ZNHIT6: variants seen among roughly 807,000 people sequenced by gnomAD.
ZNHIT6 encodes the protein zinc finger HIT-type containing 6, also known as box C/D snoRNA protein 1.
Under a neutral mutation model 57.2 loss-of-function variants are expected in ZNHIT6, and 45 were observed. That is an observed-to-expected ratio of 0.79 (90% CI 0.62 to 1.01). The LOEUF (loss-of-function observed/expected upper bound fraction) is 1.01. Among genes scored for constraint, ZNHIT6 ranks in the 50% least tolerant of loss-of-function variants. The pLI is 0.00. For synonymous variants in ZNHIT6, 188 were observed against 190.0 expected (o/e 0.99, Z 0.09); for missense variants, 528 against 567.3 (o/e 0.93, Z 0.70).
chr1:85,687,278 TCTC>T (rs1183634732), intron 5 of ZNHIT6, among the ~76,000 whole-genome samples: 1 of 10,092 alleles, frequency 9.9e-5, no homozygotes, highest in Non-Finnish European at 3.8e-4. Context: ...GAGAAGACTA[TCTC>T]AAAAAACAAA....
intron 8 of ZNHIT6, among the ~76,000 whole-genome samples, chr1:85,673,050 G>A (rs1481168524): frequency 6.6e-6 from 1 of 152,106 alleles, no homozygotes; most frequent in Non-Finnish European, 1.5e-5. Context: ...AGCAACATAG[G>A]CTTTTCTAGT....
intron 8 of ZNHIT6, among the ~76,000 whole-genome samples, chr1:85,670,763 A>G (rs1025473257): frequency 6.6e-6 from 1 of 152,194 alleles, no homozygotes; most frequent in African/African-American, 2.4e-5. Context: ...AAAGGAATGG[A>G]GAAGAAAGGA....
chr1:85,654,922 C>T (rs1661019843), intron 9 of ZNHIT6, among the ~76,000 whole-genome samples: 1 of 152,172 alleles, frequency 6.6e-6, no homozygotes, highest in African/African-American at 2.4e-5. Context: ...AGAGCAAATG[C>T]TCAAGGGACC....
chr1:85,668,220 TA>T (rs76292438), intron 8 of ZNHIT6, among the ~76,000 whole-genome samples: 2,215 of 151,882 alleles, frequency 0.015, 39 homozygotes, highest in East Asian at 0.046. Context: ...ATCACAAATA[TA>T]TTACAAACAA....
intron 8 of ZNHIT6, among the ~76,000 whole-genome samples, chr1:85,670,452 T>C (rs1476523231): frequency 2.0e-5 from 3 of 152,080 alleles, no homozygotes; most frequent in African/African-American, 7.2e-5. Context: ...TACACACATA[T>C]ATATATTTTA....
At position 85,678,296 on chromosome 1, in the gene ZNHIT6, C is replaced by T. The variant is rs1661763824; in HGVS notation, c.1169+405G>A. ...TTCATTTTCAGAGTTTTTCGTTCAACCTCAAAGGTAGTTTAGTTTAAGGGT... is the reference window on the plus strand; with the variant it reads ...TTCATTTTCAGAGTTTTTCGTTCAATCTCAAAGGTAGTTTAGTTTAAGGGT... On this transcript the variant is annotated intron_variant, in intron 7 of 9. Coordinates refer to ENST00000370574, the MANE Select transcript of ZNHIT6 (RefSeq NM_017953.4). Among the ~76,000 whole-genome samples, 3 of 152,234 alleles carry T rather than the reference C, an allele frequency of 2.0e-5. No homozygotes were observed. The South Asian group carries it at 6.2e-4, about 32-fold the overall frequency.
intron 8 of ZNHIT6, among the ~76,000 whole-genome samples, chr1:85,658,246 T>C (rs1417244698): frequency 6.6e-6 from 1 of 152,150 alleles, no homozygotes; most frequent in Non-Finnish European, 1.5e-5. Flanking sequence ...TTTCTTTTTT[T>C]GATATGGAGT....
rs1661130861 is a variant in ZNHIT6 at position 85,658,563 on chromosome 1, TAAAG to T, written c.1248-596_1248-593del. 2.0e-5 allele frequency among the ~76,000 whole-genome samples: 3 copies of T among 151,946 alleles called. No individual in the cohort carries two copies. The South Asian group carries it at 6.3e-4, about 32-fold the overall frequency. ...ATCAATTTTCATACCAAGAAATAGT[TAAAG>T]ACTCTTATATAATATTTATGTTGGC... On this transcript the variant is annotated intron_variant, in intron 8 of 9. Transcript: ENST00000370574.
chr1:85,685,395 T>C (rs1036873561), intron 5 of ZNHIT6, among the ~76,000 whole-genome samples: 1 of 152,200 alleles, frequency 6.6e-6, no homozygotes, highest in Non-Finnish European at 1.5e-5. Context: ...TAGAAAAATG[T>C]GCATGTTGAA....
rs1660985578 is a variant in ZNHIT6 at position 85,653,976 on chromosome 1, C to A, written c.*82G>T. 2.6e-6 allele frequency: 3 copies of A among 1,148,298 alleles called. No homozygotes were observed. The highest frequency in any genetic ancestry group is 2.6e-6 in the Non-Finnish European group (2 of 782,388). 71.1% of individuals were successfully genotyped at this position (1,148,298 alleles called of 1,614,324 possible). A position where few individuals can be genotyped will look rare whatever the true frequency, so the allele number is the denominator to read the frequency against. Reference sequence around the variant, plus strand: ...AAATTCCAATCACCCATTGACAATACCCCAATCAGCCAACAGCCCATCAAT... The same window carrying A: ...AAATTCCAATCACCCATTGACAATAACCCAATCAGCCAACAGCCCATCAAT... On this transcript the variant is annotated 3_prime_UTR_variant, in exon 10 of 10. Transcript: ENST00000370574.
At chr1:85,654,258 G>C (rs1660996535) in intron 9 of ZNHIT6, among the ~76,000 whole-genome samples, 160 bp from the exon 10 acceptor site, 1 of 152,112 alleles carries the variant, frequency 6.6e-6, no homozygotes, top group South Asian at 2.1e-4. Context: ...TACAATTCTG[G>C]CCACAATAAA....
intron 8 of ZNHIT6, among the ~76,000 whole-genome samples, chr1:85,661,894 C>T (rs1237457510): frequency 6.6e-6 from 1 of 152,108 alleles, no homozygotes; most frequent in African/African-American, 2.4e-5. Context: ...TGGGACCCTT[C>T]TTAGACATTT....
intron 8 of ZNHIT6, among the ~76,000 whole-genome samples, chr1:85,671,181 T>A (rs1381173420): frequency 6.6e-6 from 1 of 152,208 alleles, no homozygotes; most frequent in Admixed American, 6.5e-5. Flanking sequence ...TCTTCCAATA[T>A]CCAATTATGT....
chr1:85,686,820 G>C (rs1323915464), intron 5 of ZNHIT6, among the ~76,000 whole-genome samples: 1 of 152,142 alleles, frequency 6.6e-6, no homozygotes, highest in Non-Finnish European at 1.5e-5. Flanking sequence ...GGATGGGGGA[G>C]AGGTTAAGTG....
rs188541535 is a variant in ZNHIT6, at chr1:85,668,034, G to C, written c.1247+9202C>G. Among the ~76,000 whole-genome samples, 333 of 128,826 alleles carry C rather than the reference G, an allele frequency of 2.6e-3. 1 individual carries two copies. The highest frequency in any genetic ancestry group is 4.1e-3 in the Non-Finnish European group (259 of 63,122). The allele number at this position is 128,826 out of a possible 152,430, so 84.5% of individuals were successfully genotyped here. A position where few individuals can be genotyped will look rare whatever the true frequency, so the allele number is the denominator to read the frequency against. On this transcript the variant is annotated intron_variant, in intron 8 of 9. Transcript: ENST00000370574. ...CTTACTTGTTCTGTTTTTCCATTCC[G>C]ATTCTCTTGCAGAATTTTATACCAA...
In ZNHIT6 at chr1:85,653,861, A is replaced by G; in HGVS notation, c.*197T>C. Reference sequence around the variant, plus strand: ...TCAAGTGCAAAGGAGAGTTCTTAATATGAATAAATGGGTCTTACAAGTCAA... The same window carrying G: ...TCAAGTGCAAAGGAGAGTTCTTAATGTGAATAAATGGGTCTTACAAGTCAA... On this transcript the variant is annotated 3_prime_UTR_variant, in exon 10 of 10. Coordinates refer to ENST00000370574, the MANE Select transcript of ZNHIT6 (RefSeq NM_017953.4). 1 of 556,046 alleles carries G rather than the reference A, an allele frequency of 1.8e-6. No individual in the cohort carries two copies. 34.4% of individuals were successfully genotyped at this position (556,046 alleles called of 1,614,324 possible).
At chr1:85,689,519 A>T (rs1662155245) in intron 5 of ZNHIT6, among the ~76,000 whole-genome samples, 1 of 152,236 alleles carries the variant, frequency 6.6e-6, no homozygotes, top group Admixed American at 6.5e-5. Flanking sequence ...TAATAGTTAT[A>T]TATTTTTGTC....
chr1:85,652,735 G>C lies in ZNHIT6; in HGVS notation c.*1323C>G, dbSNP rs1209796899. On this transcript the variant is annotated 3_prime_UTR_variant, in exon 10 of 10. Coordinates refer to ENST00000370574, the MANE Select transcript of ZNHIT6 (RefSeq NM_017953.4). ...TTTTGGTAAAAAACTTATTCCAACT[G>C]TAACTAAAAATCAATTTCATTAATG... 6.6e-6 allele frequency: 1 copy of C among 152,018 alleles called. No homozygotes were observed. The highest frequency in any genetic ancestry group is 1.9e-4 in the East Asian group (1 of 5,190). 9.4% of individuals were successfully genotyped at this position (152,018 alleles called of 1,614,324 possible).
chr1:85,704,609 A>G (rs1662628227), intron 4 of ZNHIT6, among the ~76,000 whole-genome samples: 1 of 152,160 alleles, frequency 6.6e-6, no homozygotes, highest in African/African-American at 2.4e-5. Flanking sequence ...TATATTTCAC[A>G]ATTTAAAAAA....
Sources: gnomAD v4.1 joint callset for allele counts (sites outside exome capture counted in the v4.1 genomes callset) on GRCh38, gnomAD v4.1.1 for gene constraint, MANE v1.5 for transcripts, NCBI Gene and HGNC (gene_info 2026-07-23, HGNC 2026-07-21) for gene names.